The following NOVA2 variants were observed in gnomAD, a reference collection of about 807,000 sequenced individuals.
NOVA2 encodes the protein NOVA alternative splicing regulator 2.
NOVA2 carries 9 observed loss-of-function variants against 22.5 expected under a neutral mutation model. The ratio of observed to expected loss-of-function variants is 0.40; its 90% CI spans 0.24 to 0.70. NOVA2 has a LOEUF of 0.70. NOVA2 is among the 30% of genes least tolerant of loss of function. The probability of loss-of-function intolerance (pLI) is 0.38; values close to 1 mark genes in which losing one functional copy is unlikely to be tolerated. For missense variants in NOVA2, 383 were observed against 682.8 expected (o/e 0.56, Z 4.89); for synonymous variants, 318 against 335.2 (o/e 0.95, Z 0.56).
At chr19:45,946,688 A>G (rs1007319631) in intron 3 of NOVA2, among the ~76,000 whole-genome samples, 1 of 152,052 alleles carries the variant, frequency 6.6e-6, no homozygotes, top group African/African-American at 2.4e-5. Context: ...CCTGGCTAAC[A>G]TGGTGAAACC....
Position 45,940,662 on chromosome 19 carries a change from G to A in NOVA2, c.680C>T (p.Thr227Ile). ...CGCGGGGCTGGCGTACGGAGAGCCG[G>A]TGGGGTTGGAGTTGGCCACGGGGCC... is the stretch of plus-strand genomic sequence containing the variant. Reference protein sequence around the residue: ...VAGPVANSNPTGSPYASPADV... With the variant: ...VAGPVANSNPIGSPYASPADV... The change falls in exon 4 of 4, where the codon ACC becomes ATC. Residue 227 changes from threonine (T) to isoleucine (I), a missense_variant. Thr to Ile is a moderately conservative substitution (Grantham distance 89). Around this residue, in one of 2 missense-constraint regions of NOVA2, gnomAD observed 349 missense variants for 578.1 expected, o/e 0.60. Transcript: ENST00000263257. 6.3e-7 allele frequency: 1 copy of A among 1,581,362 alleles called. No homozygotes were observed. The highest frequency in any genetic ancestry group is 8.6e-7 in the Non-Finnish European group (1 of 1,166,894).
chr19:45,938,012 A>G lies in NOVA2; in HGVS notation c.*1851T>C, dbSNP rs556581649. 1 of 152,274 alleles carries G rather than the reference A, an allele frequency of 6.6e-6. No individual in the cohort carries two copies. Among genetic ancestry groups the G allele is most frequent in the East Asian group, 1.9e-4 (1 of 5,154 alleles). 9.4% of individuals were successfully genotyped at this position (152,274 alleles called of 1,614,324 possible). On this transcript the variant is annotated 3_prime_UTR_variant, in exon 4 of 4. Coordinates refer to ENST00000263257, the MANE Select transcript of NOVA2 (RefSeq NM_002516.4). ...AGGGTTTGGAAGACCTAGGAGGCGG[A>G]CAAATGGGGGAGAGGGTGGGCATGG...
At chr19:45,952,875 C>T (rs1967946831) in intron 3 of NOVA2, among the ~76,000 whole-genome samples, 1 of 152,226 alleles carries the variant, frequency 6.6e-6, no homozygotes, top group Admixed American at 6.5e-5. Context: ...TGCTCTGCCC[C>T]ACCTCAGGGC....
intron 1 of NOVA2, among the ~76,000 whole-genome samples, chr19:45,972,870 C>G (rs745684443): frequency 1.3e-5 from 2 of 152,236 alleles, no homozygotes; most frequent in East Asian, 1.9e-4. Flanking sequence ...GGGAAGCTCC[C>G]GGTCCACAGG....
At chr19:45,949,805 A>T (rs1305342392) in intron 3 of NOVA2, among the ~76,000 whole-genome samples, 1 of 145,196 alleles carries the variant, frequency 6.9e-6, no homozygotes, top group Non-Finnish European at 1.5e-5. Context: ...CAGTGGTGCG[A>T]TCTTGCCTCA....
chr19:45,940,733 G>A lies in NOVA2; in HGVS notation c.609C>T (p.Asp203=). The A allele has an allele frequency of 6.2e-7, 1 of 1,609,930 alleles. No homozygotes were observed. Among genetic ancestry groups the A allele is most frequent in the South Asian group, 1.1e-5 (1 of 91,008 alleles). The stretch of plus-strand genomic sequence containing the variant: ...TGTTGAGGCAGCTGCTGCTCTGGGG[G>A]TCTTCTTGTACCTTCTGCACGATGG... ...VSAIVQKVQE[D]PQSSSCLNIS... Residue 203 remains aspartate, a synonymous_variant, in exon 4 of 4, where the codon GAC becomes GAT. Transcript: ENST00000263257.
At position 45,955,077 on chromosome 19, in the gene NOVA2, AGAGCTGAGTGTATGT is replaced by A. The variant is rs547887938; in HGVS notation, c.230-1146_230-1132del. On this transcript the variant is annotated intron_variant, in intron 2 of 3. Transcript: ENST00000263257. ...AGGTTATGTAGACTCTTTGTGAGAC[AGAGCTGAGTGTATGT>A]GAGAGTTTGAGAGAAAGAAACAAAA... Among the ~76,000 whole-genome samples, 495 of 152,280 alleles carry A rather than the reference AGAGCTGAGTGTATGT, an allele frequency of 3.3e-3. 1 individual carries two copies. The highest frequency in any genetic ancestry group is 5.4e-3 in the Non-Finnish European group (369 of 68,030).
At chr19:45,949,486 G>A (rs1967891567) in intron 3 of NOVA2, among the ~76,000 whole-genome samples, 1 of 152,208 alleles carries the variant, frequency 6.6e-6, no homozygotes, top group Non-Finnish European at 1.5e-5. Flanking sequence ...TTGAGGACAA[G>A]GGGTTAATCA....
chr19:45,957,804 G>T (rs1968026588), intron 2 of NOVA2, among the ~76,000 whole-genome samples: 1 of 151,900 alleles, frequency 6.6e-6, no homozygotes, highest in East Asian at 1.9e-4. Flanking sequence ...ACATCAGACG[G>T]TGTTTTAGAA....
At chr19:45,965,831 A>G (rs1968160651) in intron 1 of NOVA2, among the ~76,000 whole-genome samples, 1 of 152,262 alleles carries the variant, frequency 6.6e-6, no homozygotes, top group Admixed American at 6.5e-5. Flanking sequence ...TACAATGGGA[A>G]TCATGATAGT....
intron 3 of NOVA2, among the ~76,000 whole-genome samples, chr19:45,943,419 T>G (rs1967790948): frequency 6.6e-6 from 1 of 150,542 alleles, no homozygotes; most frequent in Non-Finnish European, 1.5e-5. Context: ...TGTTTTTAAA[T>G]CTCTGAGCCC....
At chr19:45,967,911 C>G (rs1299520929) in intron 1 of NOVA2, 1 of 151,852 alleles carries the variant, frequency 6.6e-6, no homozygotes, top group Non-Finnish European at 1.5e-5. Context: ...CCACTGCACT[C>G]CAGCCGGGGT....
rs147412280 is a variant in NOVA2, at chr19:45,941,017, C to T, written c.397-72G>A. 5,673 of 1,401,828 alleles carry T rather than the reference C, an allele frequency of 4.0e-3. 193 individuals carry two copies. In the African/African-American group the frequency reaches 0.074, roughly 18 times the overall value. The allele number at this position is 1,401,828 out of a possible 1,614,324, so 86.8% of individuals were successfully genotyped here. A position where few individuals can be genotyped will look rare whatever the true frequency, so the allele number is the denominator to read the frequency against. ...AAATTAAATTAAATTAGGCTGGGCA[C>T]GGTGGCTGTCGCCTGTAATCCCAGC... is the stretch of plus-strand genomic sequence containing the variant. On this transcript the variant is annotated intron_variant, in intron 3 of 3. Coordinates refer to ENST00000263257, the MANE Select transcript of NOVA2 (RefSeq NM_002516.4).
chr19:45,956,341 C>T (rs189382684), intron 2 of NOVA2, among the ~76,000 whole-genome samples: 1 of 152,284 alleles, frequency 6.6e-6, no homozygotes, highest in Non-Finnish European at 1.5e-5. Flanking sequence ...AAGTCTTTGA[C>T]CTTCCATCCC....
In NOVA2 at chr19:45,938,825, G is replaced by A. The variant is rs563601100; in HGVS notation, c.*1038C>T. On this transcript the variant is annotated 3_prime_UTR_variant, in exon 4 of 4. Coordinates refer to ENST00000263257, the MANE Select transcript of NOVA2 (RefSeq NM_002516.4). Reference sequence around the variant, plus strand: ...GACTGGTCACTGTCCAATACAGGAAGTACATGCTTCAGCCTAATGACATCA... The same window carrying A: ...GACTGGTCACTGTCCAATACAGGAAATACATGCTTCAGCCTAATGACATCA... 1 of 152,358 alleles carries A rather than the reference G, an allele frequency of 6.6e-6. No homozygotes were observed. The highest frequency in any genetic ancestry group is 1.5e-5 in the Non-Finnish European group (1 of 68,044). 9.4% of individuals were successfully genotyped at this position (152,358 alleles called of 1,614,324 possible).
At position 45,943,123 on chromosome 19, in the gene NOVA2, G is replaced by A. The variant is rs932535798; in HGVS notation, c.397-2178C>T. Among the ~76,000 whole-genome samples the A allele has an allele frequency of 3.7e-4, 56 of 150,152 alleles. 1 individual carries two copies. Among genetic ancestry groups the A allele is most frequent in the African/African-American group, 1.2e-3 (49 of 40,826 alleles). ...GGCTGGTACACAGTGGTGCGATCTC[G>A]GCTCACTGCAATCTCCACCTCCTGG... On this transcript the variant is annotated intron_variant, in intron 3 of 3. Transcript: ENST00000263257.
intron 1 of NOVA2, chr19:45,962,435 C>T (rs575179889): frequency 6.5e-6 from 1 of 152,844 alleles, no homozygotes; most frequent in East Asian, 1.9e-4. Context: ...CATCACCAGC[C>T]CAAGGACACG....
At chr19:45,954,023 T>G (rs1172509831) in intron 2 of NOVA2, 77 bp from the exon 3 acceptor site, 6 of 1,509,434 alleles carry the variant, frequency 4.0e-6, no homozygotes, top group Non-Finnish European at 5.5e-6. Flanking sequence ...CCCCATTTAA[T>G]GGAAGAGGCA....
intron 2 of NOVA2, among the ~76,000 whole-genome samples, 183 bp from the exon 3 acceptor site, chr19:45,954,129 G>A (rs1413968392): frequency 6.6e-6 from 1 of 152,332 alleles, no homozygotes; most frequent in East Asian, 1.9e-4. Context: ...GGGAGAATGA[G>A]TGCCATCCTG....
Sources: gnomAD v4.1 joint callset for allele counts (sites outside exome capture counted in the v4.1 genomes callset) on GRCh38, gnomAD v4.1.1 for gene constraint, gnomAD v4.1.1 regional missense constraint, MANE v1.5 for transcripts, NCBI Gene and HGNC (gene_info 2026-07-23, HGNC 2026-07-21) for gene names.